The following RNF150 variants were observed in gnomAD, a reference collection of about 807,000 sequenced individuals.
RNF150 encodes the protein ring finger protein 150.
A neutral mutation model predicts 39.3 loss-of-function variants in RNF150; 24 were observed. The observed-to-expected ratio is 0.61, with a 90% CI of 0.44 to 0.86. The LOEUF (loss-of-function observed/expected upper bound fraction) is 0.86. RNF150 is among the 40% of genes least tolerant of loss of function. RNF150 has a pLI of 0.00. For missense variants in RNF150, 502 were observed against 587.8 expected (o/e 0.85, Z 1.51); for synonymous variants, 255 against 227.3 (o/e 1.12, Z -1.10).
intron 1 of RNF150, among the ~76,000 whole-genome samples, chr4:141,166,837 A>T (rs942592512): frequency 6.6e-6 from 1 of 152,192 alleles, no homozygotes; most frequent in South Asian, 2.1e-4. Context: ...AGCCAATATA[A>T]TACTGAATGG....
chr4:140,880,013 T>C lies in RNF150; in HGVS notation c.1199-11634A>G, dbSNP rs190842904. Among the ~76,000 whole-genome samples the C allele has an allele frequency of 5.3e-5, 8 of 152,310 alleles. No homozygotes were observed. In the East Asian group the frequency reaches 1.3e-3, roughly 26 times the overall value. On this transcript the variant is annotated intron_variant, in intron 6 of 6. Transcript: ENST00000515673. ...ATATTTTTTTCTTTCCTAATTGCTC[T>C]GACTAGGACTTCCAGTACTGTGTTT...
At chr4:141,091,623 C>T (rs1005729496) in intron 1 of RNF150, among the ~76,000 whole-genome samples, 1 of 152,088 alleles carries the variant, frequency 6.6e-6, no homozygotes, top group African/African-American at 2.4e-5. Flanking sequence ...ACCACTGGAC[C>T]GGTACACAGG....
chr4:141,097,271 C>T (rs532310383), intron 1 of RNF150, among the ~76,000 whole-genome samples: 37 of 152,304 alleles, frequency 2.4e-4, no homozygotes, highest in African/African-American at 7.2e-4. Context: ...CACCCTAGGT[C>T]CTGACAGCTG....
chr4:141,152,529 G>T (rs1425406261), intron 1 of RNF150, among the ~76,000 whole-genome samples: 2 of 151,896 alleles, frequency 1.3e-5, no homozygotes. Context: ...TTATTTATTT[G>T]CATGAAAAAA....
rs1733300089 is a variant in RNF150, at chr4:140,967,704, G to A, written c.654C>T (p.Val218=). The A allele has an allele frequency of 6.2e-7, 1 of 1,613,380 alleles. No individual in the cohort carries two copies. The highest frequency in any genetic ancestry group is 1.3e-5 in the African/African-American group (1 of 74,856). Residue 218 remains valine (V), a synonymous_variant, in exon 2 of 7, where the codon GTC becomes GTT. Transcript: ENST00000515673. ...GCCATGCGAGGGAAATGATCATCAG[G>A]ACAATGAAGGAGATGGAGACAAACA... is the stretch of plus-strand genomic sequence containing the variant. ...SVVFVSISFI[V]LMIISLAWLV...
upstream of RNF150, among the ~76,000 whole-genome samples, chr4:141,133,808 T>C (rs1726973798): frequency 1.3e-5 from 2 of 152,122 alleles, no homozygotes; most frequent in East Asian, 1.9e-4. Flanking sequence ...GGTGGTTTGG[T>C]ATTGAGGTCC....
intron 6 of RNF150, among the ~76,000 whole-genome samples, chr4:140,881,658 TG>T (rs1214206105): frequency 1.3e-5 from 2 of 152,158 alleles, no homozygotes; most frequent in African/African-American, 4.8e-5. Flanking sequence ...GAGGATTGCT[TG>T]AACCCAGGAG....
At chr4:140,914,929 C>A (rs529754659) in intron 5 of RNF150, among the ~76,000 whole-genome samples, 3 of 152,142 alleles carry the variant, frequency 2.0e-5, no homozygotes, top group Non-Finnish European at 4.4e-5. Context: ...TGGGTAGATA[C>A]AAGGACACTT....
intron 4 of RNF150, among the ~76,000 whole-genome samples, chr4:140,937,182 T>C (rs1033375114): frequency 3.9e-5 from 6 of 152,234 alleles, no homozygotes; most frequent in African/African-American, 1.4e-4. Flanking sequence ...GCAATTTAAA[T>C]GCTGAACAAT....
chr4:141,181,585 C>G (rs1560770931), intron 1 of RNF150, among the ~76,000 whole-genome samples: 1 of 152,154 alleles, frequency 6.6e-6, no homozygotes, highest in Middle Eastern at 3.2e-3. Context: ...CATAGACATT[C>G]CTACTGACTT....
chr4:141,157,611 T>G (rs1727435758), intron 1 of RNF150, among the ~76,000 whole-genome samples: 1 of 152,218 alleles, frequency 6.6e-6, no homozygotes, highest in Non-Finnish European at 1.5e-5. Context: ...ACTCTATTTC[T>G]CCTTTTCTTG....
intron 1 of RNF150, among the ~76,000 whole-genome samples, chr4:141,050,171 C>T (rs1324330306): frequency 2.0e-5 from 3 of 151,792 alleles, no homozygotes. Flanking sequence ...AAGTTTGAAA[C>T]AAAAATCAGT....
chr4:141,096,112 T>C, intron 1 of RNF150, among the ~76,000 whole-genome samples: 1 of 152,070 alleles, frequency 6.6e-6, no homozygotes, highest in Non-Finnish European at 1.5e-5. Context: ...GCTGCTGTTT[T>C]TGTTTTGGTA....
At chr4:141,057,775 C>T (rs774417587) in intron 1 of RNF150, among the ~76,000 whole-genome samples, 14 of 152,184 alleles carry the variant, frequency 9.2e-5, no homozygotes, top group South Asian at 2.1e-4. Flanking sequence ...TAGCAAACCT[C>T]GGCAAGAGAC....
intron 2 of RNF150, among the ~76,000 whole-genome samples, chr4:140,962,741 A>C (rs1453682485): frequency 6.6e-6 from 1 of 152,032 alleles, no homozygotes; most frequent in East Asian, 1.9e-4. Context: ...CTTTAAAAGT[A>C]ATACACATTA....
chr4:141,016,942 C>T (rs759005439), intron 1 of RNF150, among the ~76,000 whole-genome samples: 9 of 152,170 alleles, frequency 5.9e-5, no homozygotes, highest in Non-Finnish European at 1.3e-4. Context: ...ATTTCTACTC[C>T]AAATCCAACC....
chr4:140,896,732 A>AAAG (rs1354081661), intron 6 of RNF150, among the ~76,000 whole-genome samples: 4 of 90,798 alleles, frequency 4.4e-5, no homozygotes, highest in Admixed American at 1.4e-4. Context: ...AAAAAAAAAT[A>AAAG]ATTTTTTTTC....
At chr4:141,081,780 A>T (rs1738158333) in intron 1 of RNF150, among the ~76,000 whole-genome samples, 1 of 152,206 alleles carries the variant, frequency 6.6e-6, no homozygotes. Flanking sequence ...GACACTTTTC[A>T]TGTATGTTTA....
chr4:141,086,593 T>C (rs1738374992), intron 1 of RNF150, among the ~76,000 whole-genome samples: 1 of 152,068 alleles, frequency 6.6e-6, no homozygotes, highest in Non-Finnish European at 1.5e-5. Context: ...CCTGGTTTAG[T>C]AAATAAAGGC....
Sources: allele counts gnomAD v4.1 joint callset (sites outside exome capture counted in the v4.1 genomes callset), GRCh38; gene constraint gnomAD v4.1.1; transcripts MANE v1.5; gene names NCBI Gene and HGNC (gene_info 2026-07-23, HGNC 2026-07-21).